The following TSPAN15 variants were observed in gnomAD, a reference collection of about 807,000 sequenced individuals.
TSPAN15 encodes the protein tetraspanin-15.
TSPAN15 carries 20 observed loss-of-function variants against 34.5 expected under a neutral mutation model. That is an observed-to-expected ratio of 0.58 (90% CI 0.41 to 0.84). The LOEUF (loss-of-function observed/expected upper bound fraction) is 0.84. Among genes scored for constraint, TSPAN15 ranks in the 40% least tolerant of loss-of-function variants. The pLI, the probability that TSPAN15 is intolerant of heterozygous loss-of-function variation, is 0.00. For synonymous variants in TSPAN15, 155 were observed against 153.9 expected (o/e 1.01, Z -0.05); for missense variants, 313 against 386.1 (o/e 0.81, Z 1.59).
chr10:69,465,856 T>C (rs1312629844), intron 1 of TSPAN15, among the ~76,000 whole-genome samples: 1 of 126,060 alleles, frequency 7.9e-6, no homozygotes, highest in Non-Finnish European at 1.9e-5. Context: ...GCATCTCTGA[T>C]CCTCCCCGAA....
rs773165574 is a variant in TSPAN15 at position 69,498,413 on chromosome 10, T to C, written c.570+17T>C. The C allele has an allele frequency of 6.2e-7, 1 of 1,602,356 alleles. No homozygotes were observed. Among genetic ancestry groups the C allele is most frequent in the Middle Eastern group, 1.7e-4 (1 of 6,040 alleles). On this transcript the variant is annotated intron_variant, in intron 5 of 7. Coordinates refer to ENST00000373290, the MANE Select transcript of TSPAN15 (RefSeq NM_012339.5). ...AGGAACACGGTAGACACTGCTCCTG[T>C]GGGGACTGGGGGGCTGTCGGGGACC...
chr10:69,518,766 CAA>C, the TSPAN15 span, among the ~76,000 whole-genome samples: 381 of 152,296 alleles, frequency 2.5e-3, 4 homozygotes, highest in Middle Eastern at 0.01. Context: ...GTAAAATTAA[CAA>C]TGTGCAACTC....
chr10:69,539,481 GGA>G, the TSPAN15 span, among the ~76,000 whole-genome samples: 2 of 66,092 alleles, frequency 3.0e-5, no homozygotes, highest in Non-Finnish European at 6.1e-5. Flanking sequence ...AGAAGGAGAA[GGA>G]GAAGAAGAAG....
At chr10:69,486,041 C>T (rs1325296381) in intron 3 of TSPAN15, among the ~76,000 whole-genome samples, 1 of 152,198 alleles carries the variant, frequency 6.6e-6, no homozygotes, top group Non-Finnish European at 1.5e-5. Flanking sequence ...ATGTACGCAC[C>T]TCATACTAGC....
At chr10:69,452,550 T>C (rs758822961) in intron 1 of TSPAN15, among the ~76,000 whole-genome samples, 3 of 152,062 alleles carry the variant, frequency 2.0e-5, no homozygotes, top group Non-Finnish European at 4.4e-5. Context: ...CTCGCGGAGA[T>C]TACGTGAAAT....
At chr10:69,539,219 A>C in the TSPAN15 span, among the ~76,000 whole-genome samples, 1 of 151,888 alleles carries the variant, frequency 6.6e-6, no homozygotes, top group Non-Finnish European at 1.5e-5. Context: ...AAGGCATAAG[A>C]ATGATATAAT....
intron 2 of TSPAN15, 86 bp from the exon 3 acceptor site, chr10:69,485,055 T>G: frequency 7.8e-7 from 1 of 1,289,636 alleles, no homozygotes; most frequent in Non-Finnish European, 1.1e-6. Flanking sequence ...TCTTTGTGCT[T>G]GCTCTTGGAG....
chr10:69,477,902 A>C (rs947815888), intron 1 of TSPAN15, among the ~76,000 whole-genome samples: 3 of 152,184 alleles, frequency 2.0e-5, no homozygotes, highest in African/African-American at 7.2e-5. Context: ...ATGTTGATTA[A>C]GGGAGATGAG....
rs183517366 is a variant in TSPAN15 at position 69,491,473 on chromosome 10, C to G, written c.358-4121C>G. Among the ~76,000 whole-genome samples, 513 of 152,324 alleles carry G rather than the reference C, an allele frequency of 3.4e-3. 5 individuals are homozygous for G. Among genetic ancestry groups the G allele is most frequent in the African/African-American group, 0.012 (497 of 41,556 alleles). The stretch of plus-strand genomic sequence containing the variant: ...CAGCTCCTAGGCTCAAGCGATCCTC[C>G]CACCTTAGCCTCCTGAGTAGTTGGG... On this transcript the variant is annotated intron_variant, in intron 3 of 7. Coordinates refer to ENST00000373290, the MANE Select transcript of TSPAN15 (RefSeq NM_012339.5).
chr10:69,519,411 A>G, the TSPAN15 span, among the ~76,000 whole-genome samples: 1 of 152,144 alleles, frequency 6.6e-6, no homozygotes, highest in Non-Finnish European at 1.5e-5. Context: ...CAGAGGGGAG[A>G]CCCTGTCTCA....
At chr10:69,530,810 CTCTCTCTCTCTA>C in the TSPAN15 span, among the ~76,000 whole-genome samples, 28 of 68,632 alleles carry the variant, frequency 4.1e-4, no homozygotes, top group Admixed American at 5.9e-4. Flanking sequence ...CTCTCTCTCT[CTCTCTCTCTCTA>C]TATATATATA....
chr10:69,477,453 C>G (rs558800587), intron 1 of TSPAN15, among the ~76,000 whole-genome samples: 195 of 152,272 alleles, frequency 1.3e-3, no homozygotes, highest in Non-Finnish European at 2.5e-3. Context: ...AGAAAGGAAC[C>G]TTGTAGGAGT....
Position 69,506,956 on chromosome 10 carries a change from G to A in TSPAN15, c.863G>A (p.Cys288Tyr), listed in dbSNP as rs533502756. The change falls in exon 8 of 8, where the codon TGC becomes TAC. Residue 288 changes from cysteine to tyrosine, a missense_variant. Transcript: ENST00000373290. The surrounding 1 kb of genome is among the most constrained non-coding windows in gnomAD (Gnocchi z 4.7). ...AGCGTGGAGGCGGCAGGCACGGGAT[G>A]CTGCTTGTGCTACCCCAATTAGGGC... ...KPSVEAAGTG[C>Y]CLCYPN 26 of 1,609,286 alleles carry A rather than the reference G, an allele frequency of 1.6e-5. No homozygotes were observed. In the South Asian group the frequency reaches 1.7e-4, roughly 10 times the overall value.
At chr10:69,521,064 G>T in the TSPAN15 span, among the ~76,000 whole-genome samples, 1 of 151,824 alleles carries the variant, frequency 6.6e-6, no homozygotes. Context: ...GCTGAGGGCT[G>T]CCCAGATAGC....
chr10:69,508,603 G>A (rs937268413), downstream of TSPAN15, among the ~76,000 whole-genome samples: 1 of 152,170 alleles, frequency 6.6e-6, no homozygotes, highest in Admixed American at 6.5e-5. Flanking sequence ...AGAAGGGGCA[G>A]GAGGAGGGTA....
intron 1 of TSPAN15, among the ~76,000 whole-genome samples, chr10:69,470,334 C>A (rs1385069345): frequency 6.6e-6 from 1 of 152,246 alleles, no homozygotes; most frequent in Non-Finnish European, 1.5e-5. Context: ...GCAAAGGCAC[C>A]TTTCCCCATG....
At chr10:69,517,453 G>C in the TSPAN15 span, among the ~76,000 whole-genome samples, 1 of 152,244 alleles carries the variant, frequency 6.6e-6, no homozygotes, top group Non-Finnish European at 1.5e-5. Flanking sequence ...TCCTGAGGCT[G>C]ACAAGGGCTC....
the TSPAN15 span, among the ~76,000 whole-genome samples, chr10:69,532,768 A>G: frequency 1.3e-5 from 2 of 152,224 alleles, no homozygotes; most frequent in African/African-American, 4.8e-5. Context: ...GAAAATCTTC[A>G]CAATCTATAC....
At chr10:69,455,205 A>ACC (rs1296318461) in intron 1 of TSPAN15, among the ~76,000 whole-genome samples, 1 of 150,060 alleles carries the variant, frequency 6.7e-6, no homozygotes, top group African/African-American at 2.5e-5. Context: ...CTCCCCTCCT[A>ACC]CCCCTCTCTC....
Sources: allele counts gnomAD v4.1 joint callset (sites outside exome capture counted in the v4.1 genomes callset), GRCh38; gene constraint gnomAD v4.1.1; non-coding constraint Gnocchi (gnomAD v3.1); transcripts MANE v1.5; gene names NCBI Gene and HGNC (gene_info 2026-07-23, HGNC 2026-07-21).